Variants in AKAP13 observed in about 807,000 individuals in gnomAD.
The protein encoded by AKAP13 is A-kinase anchoring protein 13, also known as A-kinase anchor protein 13.
A neutral mutation model predicts 264.5 loss-of-function variants in AKAP13; 80 were observed. That is an observed-to-expected ratio of 0.30 (90% CI 0.25 to 0.36). The LOEUF is 0.36. Among genes scored for constraint, AKAP13 ranks in the 10% least tolerant of loss-of-function variants. AKAP13 has a pLI of 1.00. For missense variants in AKAP13, 3,712 were observed against 3,435.2 expected, an observed-to-expected ratio of 1.08 and a Z score of -2.01; for synonymous variants, 1,380 against 1,250.2, an observed-to-expected ratio of 1.10 and a Z score of -2.19.
chr15:85,453,274 G>A (rs995950842), intron 1 of AKAP13, among the ~76,000 whole-genome samples: 2 of 152,348 alleles, frequency 1.3e-5, no homozygotes, highest in East Asian at 3.9e-4. Flanking sequence ...TGCTAGCTGA[G>A]TAGCTCTGGT....
In AKAP13 at chr15:85,710,626, G is replaced by A. The variant is rs181135575; in HGVS notation, c.5580G>A (p.Thr1860=). ...LQAHDTSSLP[T]VIMRNKPSQP... is the part of the protein sequence containing the mutation. ...CACATGACACATCATCACTGCCCAC[G>A]GTCATTATGAGAAACAAGCGTAAGT... Residue 1860 remains threonine, a synonymous_variant, in exon 19 of 37, where the codon ACG becomes ACA. Coordinates refer to ENST00000394518, the MANE Select transcript of AKAP13 (RefSeq NM_007200.5). The A allele has an allele frequency of 9.3e-6, 15 of 1,613,610 alleles. No homozygotes were observed. The highest frequency in any genetic ancestry group is 4.4e-5 in the South Asian group (4 of 91,044).
At chr15:85,711,046 C>G (rs1168949119) in intron 19 of AKAP13, among the ~76,000 whole-genome samples, 2 of 151,600 alleles carry the variant, frequency 1.3e-5, no homozygotes, top group Admixed American at 6.6e-5. Flanking sequence ...GACGGAGTCT[C>G]TCTCTGTCGC....
At chr15:85,621,631 T>G (rs2081191522) in intron 8 of AKAP13, 1 of 152,160 alleles carries the variant, frequency 6.6e-6, no homozygotes, top group Admixed American at 6.5e-5. Flanking sequence ...TGGAAAGCCC[T>G]TGTGAATGGA....
chr15:85,606,657 G>T (rs906692920), intron 8 of AKAP13, among the ~76,000 whole-genome samples: 1 of 152,168 alleles, frequency 6.6e-6, no homozygotes, highest in Non-Finnish European at 1.5e-5. Flanking sequence ...GAGGCATCAT[G>T]GGGGTGACTA....
rs948120387 is a variant in AKAP13, at chr15:85,735,159, T to C, written c.7441+9T>C. On this transcript the variant is annotated intron_variant, in intron 31 of 36. Coordinates refer to ENST00000394518, the MANE Select transcript of AKAP13 (RefSeq NM_007200.5). ...GATGAATGCTTCAAAAGGTAAATGA[T>C]GTGAAGTCATGAGCTTTTATAGGCA... 1 of 1,612,018 alleles carries C rather than the reference T, an allele frequency of 6.2e-7. No individual in the cohort carries two copies. Among genetic ancestry groups the C allele is most frequent in the South Asian group, 1.1e-5 (1 of 90,750 alleles).
In AKAP13 at chr15:85,727,447, A is replaced by G. The variant is rs2087683225; in HGVS notation, c.7071A>G (p.Arg2357=). Residue 2357 remains arginine (R), a synonymous_variant, in exon 29 of 37, where the codon AGA becomes AGG. Coordinates refer to ENST00000394518, the MANE Select transcript of AKAP13 (RefSeq NM_007200.5). The surrounding 1 kb of genome is among the most constrained non-coding windows in gnomAD (Gnocchi z 5.3). ...NEEEKKMLDT[R]ARELKEQLHQ... ...AAGAAAAGAAAATGTTGGACACCAGAGCCCGAGAATTAAAAGGTGAGGCAT... is the reference window on the plus strand; with the variant it reads ...AAGAAAAGAAAATGTTGGACACCAGGGCCCGAGAATTAAAAGGTGAGGCAT... The G allele has an allele frequency of 6.2e-7, 1 of 1,614,220 alleles. No homozygotes were observed. Among genetic ancestry groups the G allele is most frequent in the Non-Finnish European group, 8.5e-7 (1 of 1,180,016 alleles).
intron 1 of AKAP13, among the ~76,000 whole-genome samples, chr15:85,472,392 T>C (rs2074994086): frequency 6.6e-6 from 1 of 151,886 alleles, no homozygotes; most frequent in African/African-American, 2.4e-5. Context: ...CAACAAGTTA[T>C]TGCCAGTCTA....
At position 85,747,568 on chromosome 15, in the gene AKAP13, C is replaced by T. The variant is rs1597259941; in HGVS notation, c.*2891C>T. On this transcript the variant is annotated 3_prime_UTR_variant, in exon 37 of 37. Transcript: ENST00000394518. The stretch of plus-strand genomic sequence containing the variant: ...ATCGAGTGAGCTTCCTGGAAGGAGA[C>T]TGCGTCTTCTCTCAATTCCAGTCAT... 6.6e-6 allele frequency: 1 copy of T among 152,646 alleles called. No homozygotes were observed. Among genetic ancestry groups the T allele is most frequent in the Non-Finnish European group, 1.5e-5 (1 of 68,042 alleles). The allele number at this position is 152,646 out of a possible 1,614,324, so 9.5% of individuals were successfully genotyped here. A position where few individuals can be genotyped will look rare whatever the true frequency, so the allele number is the denominator to read the frequency against.
Position 85,581,125 on chromosome 15 carries a change from A to C in AKAP13, c.3057A>C (p.Pro1019=). The change falls in exon 7 of 37, where the codon CCA becomes CCC. Residue 1019 remains proline, a synonymous_variant. Transcript: ENST00000394518. ...TQGGAAQSLV[P]PGASLATESR... ...GTGGGGCTGCCCAGAGCCTGGTGCC[A>C]CCAGGAGCAAGTCTGGCCACAGAGT... is the stretch of plus-strand genomic sequence containing the variant. 6.2e-7 allele frequency: 1 copy of C among 1,613,976 alleles called. No homozygotes were observed. The highest frequency in any genetic ancestry group is 8.5e-7 in the Non-Finnish European group (1 of 1,179,896).
At chr15:85,388,881 C>G (rs1182600102) in intron 1 of AKAP13, among the ~76,000 whole-genome samples, 1 of 152,180 alleles carries the variant, frequency 6.6e-6, no homozygotes, top group Admixed American at 6.5e-5. Context: ...AAAGTTATTT[C>G]AAACACAAGA....
chr15:85,591,823 A>G (rs2079592767), intron 8 of AKAP13, among the ~76,000 whole-genome samples: 1 of 152,138 alleles, frequency 6.6e-6, no homozygotes, highest in Non-Finnish European at 1.5e-5. Flanking sequence ...CCTTTTCTGA[A>G]TGCTCTTTGC....
intron 1 of AKAP13, among the ~76,000 whole-genome samples, chr15:85,403,777 CAA>C (rs1177945396): frequency 6.7e-6 from 1 of 148,844 alleles, no homozygotes; most frequent in Non-Finnish European, 1.5e-5. Context: ...GGAGGTGGTT[CAA>C]GCGATTCTCA....
At chr15:85,596,292 A>C (rs1422557216) in intron 8 of AKAP13, among the ~76,000 whole-genome samples, 1 of 152,108 alleles carries the variant, frequency 6.6e-6, no homozygotes, top group African/African-American at 2.4e-5. Flanking sequence ...ATTAGTATTC[A>C]TATATATATT....
intron 16 of AKAP13, among the ~76,000 whole-genome samples, chr15:85,688,216 C>T (rs565417911): frequency 2.0e-4 from 31 of 152,180 alleles, no homozygotes; most frequent in African/African-American, 7.5e-4. Flanking sequence ...CATAGTGATG[C>T]TAACTCTAAT....
At chr15:85,649,377 G>A (rs1442425773) in intron 10 of AKAP13, among the ~76,000 whole-genome samples, 1 of 152,218 alleles carries the variant, frequency 6.6e-6, no homozygotes, top group African/African-American at 2.4e-5. Flanking sequence ...GGCACTGGCA[G>A]ATAGGCCATC....
At chr15:85,498,343 T>C (rs1168729958) in intron 2 of AKAP13, among the ~76,000 whole-genome samples, 1 of 151,960 alleles carries the variant, frequency 6.6e-6, no homozygotes, top group Non-Finnish European at 1.5e-5. Context: ...TCGTCTTGCA[T>C]CTTCTGCATA....
At chr15:85,562,691 C>CTTTTT (rs10598092) in intron 5 of AKAP13, among the ~76,000 whole-genome samples, 56 of 100,508 alleles carry the variant, frequency 5.6e-4, no homozygotes, top group African/African-American at 1.4e-3. Flanking sequence ...CTTTTCTTTT[C>CTTTTT]TTTTTTTTTT....
chr15:85,510,249 G>T (rs2076374012), intron 2 of AKAP13, among the ~76,000 whole-genome samples: 1 of 152,172 alleles, frequency 6.6e-6, no homozygotes, highest in African/African-American at 2.4e-5. Flanking sequence ...GAGGTGATCT[G>T]TCTTGAGCTT....
Position 85,715,755 on chromosome 15 carries a change from G to A in AKAP13, c.5600-33G>A, listed in dbSNP as rs534138673. On this transcript the variant is annotated intron_variant, in intron 19 of 36. Coordinates refer to ENST00000394518, the MANE Select transcript of AKAP13 (RefSeq NM_007200.5). ...GGTCAGTACCAGGTGGAGCTGGATG[G>A]GTGATGCTTCAGTTAGTGTCCTCCT... The A allele has an allele frequency of 3.5e-5, 55 of 1,584,392 alleles. 1 individual carries two copies. In the South Asian group the frequency reaches 6.1e-4, roughly 18 times the overall value.
Sources: allele counts gnomAD v4.1 joint callset (sites outside exome capture counted in the v4.1 genomes callset), GRCh38; gene constraint gnomAD v4.1.1; non-coding constraint Gnocchi (gnomAD v3.1); transcripts MANE v1.5; gene names NCBI Gene and HGNC (gene_info 2026-07-23, HGNC 2026-07-21).